Variants in ANKRD36C observed in about 807,000 individuals in gnomAD.
ANKRD36C encodes ankyrin repeat domain 36C, also known as ankyrin repeat domain-containing protein 36C.
ANKRD36C carries 61 observed loss-of-function variants against 276.4 expected under a neutral mutation model. That is an observed-to-expected ratio of 0.22 (90% CI 0.18 to 0.27). The LOEUF is 0.27. Among genes scored for constraint, ANKRD36C ranks in the 10% least tolerant of loss-of-function variants. ANKRD36C has a pLI of 1.00. For missense variants in ANKRD36C, 1,447 were observed against 2,032.3 expected (o/e 0.71, Z 5.54); for synonymous variants, 483 against 680.1 (o/e 0.71, Z 4.51).
At chr2:95,879,750 T>C (rs1345887219) in intron 58 of ANKRD36C, among the ~76,000 whole-genome samples, 1 of 152,020 alleles carries the variant, frequency 6.6e-6, no homozygotes, top group Non-Finnish European at 1.5e-5. Context: ...AAAGCCATAA[T>C]TTTAATTGAC....
At chr2:95,970,102 C>A (rs1035842221) in intron 6 of ANKRD36C, among the ~76,000 whole-genome samples, 1 of 152,044 alleles carries the variant, frequency 6.6e-6, no homozygotes, top group Non-Finnish European at 1.5e-5. Flanking sequence ...CACTCTAATT[C>A]AAAAAATCTA....
chr2:95,889,785 G>A lies in ANKRD36C; in HGVS notation c.2959+14C>T. 3 of 1,577,096 alleles carry A rather than the reference G, an allele frequency of 1.9e-6. No individual in the cohort carries two copies. The highest frequency in any genetic ancestry group is 2.6e-6 in the Non-Finnish European group (3 of 1,159,742). On this transcript the variant is annotated intron_variant, in intron 48 of 66. Transcript: ENST00000456556. The stretch of plus-strand genomic sequence containing the variant: ...CTTGAACGAACATCCTATTAAATGT[G>A]TTTGCAAAATTACCTGTCCCAGATA...
intron 19 of ANKRD36C, among the ~76,000 whole-genome samples, chr2:95,942,155 C>T (rs1242826541): frequency 6.6e-6 from 1 of 152,052 alleles, no homozygotes; most frequent in African/African-American, 2.4e-5. Context: ...AAATAGATGA[C>T]CTTACTCAAA....
intron 42 of ANKRD36C, 26 bp from the exon 54 acceptor site, chr2:95,902,984 T>C (rs1193620297): frequency 1.3e-6 from 2 of 1,577,062 alleles, no homozygotes; most frequent in East Asian, 2.3e-5. Flanking sequence ...AATGCAATAA[T>C]AAATTAATAA....
intron 6 of ANKRD36C, among the ~76,000 whole-genome samples, chr2:95,973,654 A>G (rs1217838596): frequency 6.6e-6 from 1 of 152,218 alleles, no homozygotes; most frequent in African/African-American, 2.4e-5. Flanking sequence ...CAAAAACTGC[A>G]TTTAAAATGT....
chr2:95,980,385 T>A (rs568404723), intron 5 of ANKRD36C, among the ~76,000 whole-genome samples: 1 of 152,088 alleles, frequency 6.6e-6, no homozygotes, highest in Non-Finnish European at 1.5e-5. Flanking sequence ...AAATAAAATG[T>A]ACAACATTGG....
intron 31 of ANKRD36C, 40 bp downstream of exon 31, chr2:95,923,621 T>C (rs777996154): frequency 2.5e-6 from 4 of 1,609,068 alleles, no homozygotes; most frequent in East Asian, 2.2e-5. Flanking sequence ...TCATGGACTA[T>C]ACAGTTACTA....
chr2:95,908,718 A>G lies in ANKRD36C; in HGVS notation c.2653+3526T>C, dbSNP rs1175571178. On this transcript the variant is annotated intron_variant, in intron 42 of 66. Coordinates refer to ENST00000456556, the Ensembl canonical transcript of ANKRD36C. ...AGACACTGAAAAGTAAAAGGGATTCATAATCACTCATATGTAAAAATGACA... is the reference window on the plus strand; with the variant it reads ...AGACACTGAAAAGTAAAAGGGATTCGTAATCACTCATATGTAAAAATGACA... 46 of 1,545,610 alleles carry G rather than the reference A, an allele frequency of 3.0e-5. 3 individuals carry two copies. Among genetic ancestry groups the G allele is most frequent in the Admixed American group, 9.7e-5 (5 of 51,452 alleles).
intron 6 of ANKRD36C, among the ~76,000 whole-genome samples, chr2:95,977,847 T>A (rs1251603056): frequency 6.6e-6 from 1 of 152,076 alleles, no homozygotes; most frequent in South Asian, 2.1e-4. Flanking sequence ...TACAACATAA[T>A]AACTTAAAAA....
chr2:95,884,029 C>T (rs997564620), intron 54 of ANKRD36C, 144 bp downstream of exon 74: 2 of 971,894 alleles, frequency 2.1e-6, no homozygotes, highest in African/African-American at 3.3e-5. Context: ...TCAGCGTCAC[C>T]CGAGAACTTA....
At chr2:95,963,958 A>AAT (rs1275080152) in intron 6 of ANKRD36C, among the ~76,000 whole-genome samples, 2 of 63,582 alleles carry the variant, frequency 3.1e-5, no homozygotes, top group East Asian at 5.7e-4. Flanking sequence ...TATATATATA[A>AAT]ATATATATAT....
At position 95,885,396 on chromosome 2, in the gene ANKRD36C, C is replaced by T. The variant is rs548219482; in HGVS notation, c.3163+652G>A. Among the ~76,000 whole-genome samples, 104 of 151,822 alleles carry T rather than the reference C, an allele frequency of 6.9e-4. 1 individual carries two copies. The highest frequency in any genetic ancestry group is 2.4e-3 in the African/African-American group (98 of 41,458). On this transcript the variant is annotated intron_variant, in intron 52 of 66. Coordinates refer to ENST00000456556, the Ensembl canonical transcript of ANKRD36C. Reference sequence around the variant, plus strand: ...GCCTAACAGTAACAAAGAGGAGTAACGAGTCAGTGTGCTTTATCCCAATTC... The same window carrying T: ...GCCTAACAGTAACAAAGAGGAGTAATGAGTCAGTGTGCTTTATCCCAATTC...
chr2:95,852,317 A>C, intron 64 of ANKRD36C, 121 bp from the exon 85 acceptor site: 1 of 806,236 alleles, frequency 1.2e-6, no homozygotes, highest in East Asian at 2.7e-5. Flanking sequence ...TTTATTTATA[A>C]AAGGTCATAA....
chr2:95,913,620 T>A (rs1420709256), intron 40 of ANKRD36C, among the ~76,000 whole-genome samples: 1 of 151,466 alleles, frequency 6.6e-6, no homozygotes, highest in Non-Finnish European at 1.5e-5. Context: ...ATTATATAAA[T>A]GACTTCCTCT....
chr2:95,890,572 C>G (rs1321407859), intron 46 of ANKRD36C, among the ~76,000 whole-genome samples: 1 of 151,544 alleles, frequency 6.6e-6, no homozygotes, highest in Admixed American at 6.6e-5. Flanking sequence ...CTCTCACACC[C>G]ATGTGGTGTA....
At chr2:95,896,461 G>C (rs1159187396) in intron 44 of ANKRD36C, among the ~76,000 whole-genome samples, 1 of 149,674 alleles carries the variant, frequency 6.7e-6, no homozygotes, top group Non-Finnish European at 1.5e-5. Context: ...GGAGTATCGT[G>C]TTATTCTCTA....
At chr2:95,859,820 AAAAC>A in intron 61 of ANKRD36C, 37 bp downstream of exon 81, 2 of 1,543,650 alleles carry the variant, frequency 1.3e-6, no homozygotes, top group South Asian at 2.4e-5. Flanking sequence ...TCTTTAATAT[AAAAC>A]AAACAGTTCA....
In ANKRD36C at chr2:95,965,923, T is replaced by C. The variant is rs1054312895; in HGVS notation, c.800-3376A>G. On this transcript the variant is annotated intron_variant, in intron 6 of 66. Transcript: ENST00000456556. Reference sequence around the variant, plus strand: ...ATGCACATATGTTGTAAGAGGTTTTTAATGTGCATTTGGGTGATTTCTTTT... The same window carrying C: ...ATGCACATATGTTGTAAGAGGTTTTCAATGTGCATTTGGGTGATTTCTTTT... 8.5e-5 allele frequency among the ~76,000 whole-genome samples: 13 copies of C among 152,148 alleles called. No individual in the cohort carries two copies. In the East Asian group the frequency reaches 2.3e-3, roughly 27 times the overall value.
intron 60 of ANKRD36C, among the ~76,000 whole-genome samples, chr2:95,865,810 G>C (rs1315508404): frequency 1.3e-5 from 2 of 152,092 alleles, no homozygotes. Context: ...TGCTCAACCT[G>C]TATAAAGAAA....
Sources: allele counts gnomAD v4.1 joint callset (sites outside exome capture counted in the v4.1 genomes callset), GRCh38; gene constraint gnomAD v4.1.1; transcripts MANE v1.5; gene names NCBI Gene and HGNC (gene_info 2026-07-23, HGNC 2026-07-21).